The following DCTN4 variants were observed in gnomAD, a reference collection of about 807,000 sequenced individuals.
The protein encoded by DCTN4 is dynactin subunit 4.
A neutral mutation model predicts 62.7 loss-of-function variants in DCTN4; 23 were observed. The observed-to-expected ratio is 0.37, with a 90% CI of 0.26 to 0.52. DCTN4 has a LOEUF of 0.52. DCTN4 is among the 20% of genes least tolerant of loss of function. DCTN4 has a pLI of 0.92. For synonymous variants in DCTN4, 199 were observed against 202.1 expected (o/e 0.98, Z 0.13); for missense variants, 514 against 580.4 (o/e 0.89, Z 1.18).
chr5:150,734,100 C>CA lies in DCTN4; in HGVS notation c.430-626dup, dbSNP rs563615198. 137 of 147,386 alleles carry CA rather than the reference C, an allele frequency of 9.3e-4. 1 individual carries two copies. Among genetic ancestry groups the CA allele is most frequent in the African/African-American group, 2.1e-3 (85 of 40,256 alleles). The allele number at this position is 147,386 out of a possible 1,614,324, so 9.1% of individuals were successfully genotyped here. On this transcript the variant is annotated intron_variant, in intron 4 of 12. Coordinates refer to ENST00000447998, the MANE Select transcript of DCTN4 (RefSeq NM_016221.4). ...CCAGCTACTCAAGAGGATGAGGTGG[C>CA]AAAAAAAAAATGGCAGATAGGAGGC...
At chr5:150,724,869 T>C (rs896268153) in intron 8 of DCTN4, among the ~76,000 whole-genome samples, 1 of 152,204 alleles carries the variant, frequency 6.6e-6, no homozygotes, top group Non-Finnish European at 1.5e-5. Context: ...TTTAAAAATG[T>C]ATCCCAGGCT....
intron 5 of DCTN4, 178 bp from the exon 6 acceptor site, chr5:150,731,667 TA>T (rs1354758062): frequency 1.6e-6 from 1 of 640,724 alleles, no homozygotes; most frequent in African/African-American, 1.8e-5. Context: ...ATTCTATTCT[TA>T]AAATAATAAC....
chr5:150,731,684 T>C (rs1760376340), intron 5 of DCTN4, 195 bp from the exon 6 acceptor site: 1 of 641,284 alleles, frequency 1.6e-6, no homozygotes, highest in Non-Finnish European at 2.7e-6. Context: ...ATAACAGCAC[T>C]AAACATGGAG....
chr5:150,742,672 TGA>T (rs1333076739), intron 3 of DCTN4: 7 of 155,512 alleles, frequency 4.5e-5, no homozygotes, highest in African/African-American at 1.7e-4. Flanking sequence ...TCAAGAAAAC[TGA>T]AAGTACTGAA....
chr5:150,709,875 C>T lies in DCTN4; in HGVS notation c.*1274G>A, dbSNP rs1224406914. The T allele has an allele frequency of 2.0e-5, 3 of 152,310 alleles. No homozygotes were observed. The highest frequency in any genetic ancestry group is 4.4e-5 in the Non-Finnish European group (3 of 68,026). 9.4% of individuals were successfully genotyped at this position (152,310 alleles called of 1,614,324 possible). A position where few individuals can be genotyped will look rare whatever the true frequency, so the allele number is the denominator to read the frequency against. On this transcript the variant is annotated 3_prime_UTR_variant, in exon 13 of 13. Coordinates refer to ENST00000447998, the MANE Select transcript of DCTN4 (RefSeq NM_016221.4). ...GTCTCTTGGCCACTTACTAACAATA[C>T]TTTTACAGAAAACACGGTGCAGCTG...
rs537768579 is a variant in DCTN4 at position 150,756,637 on chromosome 5, C to G, written c.136-150G>C. The G allele has an allele frequency of 3.1e-5, 7 of 225,736 alleles. No individual in the cohort carries two copies. The African/African-American group carries it at 8.4e-4, about 27-fold the overall frequency. 14.0% of individuals were successfully genotyped at this position (225,736 alleles called of 1,614,324 possible). ...TTAGGGTTTATTCTTCTTCAGTCACCTGTTTTTTTTTTTTCTTCTTCTTCC... is the reference window on the plus strand; with the variant it reads ...TTAGGGTTTATTCTTCTTCAGTCACGTGTTTTTTTTTTTTCTTCTTCTTCC... On this transcript the variant is annotated intron_variant, in intron 1 of 12. Coordinates refer to ENST00000447998, the MANE Select transcript of DCTN4 (RefSeq NM_016221.4).
At chr5:150,756,982 G>A (rs1212928797) in intron 1 of DCTN4, among the ~76,000 whole-genome samples, 3 of 152,104 alleles carry the variant, frequency 2.0e-5, no homozygotes, top group Admixed American at 6.5e-5. Context: ...GTCAGCTATG[G>A]CCAACCAATT....
At chr5:150,747,279 GA>G (rs1277690400) in intron 3 of DCTN4, among the ~76,000 whole-genome samples, 1 of 152,154 alleles carries the variant, frequency 6.6e-6, no homozygotes, top group African/African-American at 2.4e-5. Context: ...ACTGCTCAAG[GA>G]AATAAAAGAG....
chr5:150,746,226 C>A (rs944087287), intron 3 of DCTN4, among the ~76,000 whole-genome samples: 2 of 152,164 alleles, frequency 1.3e-5, no homozygotes, highest in African/African-American at 2.4e-5. Flanking sequence ...TATATACTCT[C>A]CCAAGACTAA....
chr5:150,753,831 T>C (rs1054570357), intron 2 of DCTN4, among the ~76,000 whole-genome samples, 174 bp from the exon 3 acceptor site: 6 of 152,242 alleles, frequency 3.9e-5, no homozygotes, highest in Admixed American at 3.3e-4. Flanking sequence ...TTAAAAAATA[T>C]GCAGTTATCG....
At chr5:150,719,479 A>C (rs1759885379) in intron 10 of DCTN4, among the ~76,000 whole-genome samples, 1 of 152,148 alleles carries the variant, frequency 6.6e-6, no homozygotes, top group Non-Finnish European at 1.5e-5. Context: ...TCTTTTCCCC[A>C]CCTATAATTT....
chr5:150,754,780 A>G (rs967633741), intron 2 of DCTN4, among the ~76,000 whole-genome samples: 3 of 152,222 alleles, frequency 2.0e-5, no homozygotes, highest in Non-Finnish European at 2.9e-5. Context: ...CCTGGGCAAC[A>G]TGGCAAAAGC....
At chr5:150,752,737 T>C (rs566749368) in intron 3 of DCTN4, among the ~76,000 whole-genome samples, 10 of 152,356 alleles carry the variant, frequency 6.6e-5, no homozygotes, top group Non-Finnish European at 1.3e-4. Flanking sequence ...TTGCTGCTCA[T>C]ATCCTTTGCC....
rs1760365187 is a variant in DCTN4 at position 150,731,438 on chromosome 5, T to A, written c.589A>T (p.Ile197Phe). ...TACGAAAGTCCGGCAAGGGTACTGA[T>A]GGATGCACCAGCTCGTGGTCGCTGA... The part of the protein sequence containing the change: ...RLQRPRAGAS[I>F]STLAGLSLKE... The change falls in exon 6 of 13, where the codon ATC becomes TTC. Residue 197 changes from isoleucine to phenylalanine, a missense_variant. Transcript: ENST00000447998. The A allele has an allele frequency of 6.2e-7, 1 of 1,614,042 alleles. No homozygotes were observed. Among genetic ancestry groups the A allele is most frequent in the Non-Finnish European group, 8.5e-7 (1 of 1,180,028 alleles).
intron 12 of DCTN4, among the ~76,000 whole-genome samples, chr5:150,711,931 G>A (rs1426142614): frequency 6.6e-6 from 1 of 151,810 alleles, no homozygotes; most frequent in African/African-American, 2.4e-5. Context: ...ACCTTTTGAC[G>A]CTGGTATATA....
At chr5:150,729,042 C>CCTTTTT (rs762124472) in intron 8 of DCTN4, among the ~76,000 whole-genome samples, 1,411 of 52,204 alleles carry the variant, frequency 0.027, 143 homozygotes, top group East Asian at 0.079. Context: ...ACCACACTGG[C>CCTTTTT]TTTTTTTTTT....
chr5:150,755,831 T>C (rs1752839847), intron 2 of DCTN4, among the ~76,000 whole-genome samples: 1 of 152,140 alleles, frequency 6.6e-6, no homozygotes, highest in Admixed American at 6.5e-5. Flanking sequence ...TTGTAACAAA[T>C]ATACCACACT....
chr5:150,717,271 T>TG (rs1284851706), intron 11 of DCTN4, among the ~76,000 whole-genome samples: 2 of 152,104 alleles, frequency 1.3e-5, no homozygotes, highest in African/African-American at 4.8e-5. Flanking sequence ...TTTTTTGAGA[T>TG]GGAGTCTCAC....
At chr5:150,715,701 CA>C (rs1370559576) in intron 11 of DCTN4, 39 bp from the exon 12 acceptor site, 1 of 1,533,716 alleles carries the variant, frequency 6.5e-7, no homozygotes, top group Admixed American at 1.7e-5. Flanking sequence ...GAGAAGGGAC[CA>C]GTGTGACAGA....
Sources: gnomAD v4.1 joint callset for allele counts (sites outside exome capture counted in the v4.1 genomes callset) on GRCh38, gnomAD v4.1.1 for gene constraint, MANE v1.5 for transcripts, NCBI Gene and HGNC (gene_info 2026-07-23, HGNC 2026-07-21) for gene names.